Variants in ZBTB21 observed in about 807,000 individuals in gnomAD.
ZBTB21 encodes zinc finger and BTB domain containing 21.
ZBTB21 carries 10 observed loss-of-function variants against 39.8 expected under a neutral mutation model. The ratio of observed to expected loss-of-function variants is 0.25; its 90% CI spans 0.16 to 0.43. The LOEUF is 0.43. ZBTB21 is among the 20% of genes least tolerant of loss of function. The pLI is 1.00. For missense variants in ZBTB21, 1,221 were observed against 1,296.3 expected (o/e 0.94, Z 0.89); for synonymous variants, 551 against 498.8 (o/e 1.10, Z -1.40).
rs778144401 is a variant in ZBTB21, at chr21:41,993,579, T to C, written c.517A>G (p.Thr173Ala). 2 of 1,614,266 alleles carry C rather than the reference T, an allele frequency of 1.2e-6. No homozygotes were observed. The highest frequency in any genetic ancestry group is 3.3e-5 in the Admixed American group (2 of 60,028). ...VSQNQPDVSHTSRPSPSIAVK... is the reference protein window; with the variant it reads ...VSQNQPDVSHASRPSPSIAVK... ...GCAATGCTAGGAGAGGGCCGGGAAGTATGGCTTACATCGGGTTGATTTTGA... is the reference window on the plus strand; with the variant it reads ...GCAATGCTAGGAGAGGGCCGGGAAGCATGGCTTACATCGGGTTGATTTTGA... The change falls in exon 3 of 3, where the codon ACT becomes GCT. Residue 173 changes from threonine (T) to alanine (A), a missense_variant. Thr to Ala is a moderately conservative substitution (Grantham distance 58). Coordinates refer to ENST00000310826, the MANE Select transcript of ZBTB21 (RefSeq NM_001098402.2).
chr21:41,999,125 T>C (rs1242525233), intron 2 of ZBTB21, among the ~76,000 whole-genome samples: 1 of 152,206 alleles, frequency 6.6e-6, no homozygotes, highest in East Asian at 1.9e-4. Context: ...TTGACTCAGC[T>C]GGGTACTGAG....
chr21:42,006,831 A>G (rs1405547921), intron 1 of ZBTB21, among the ~76,000 whole-genome samples: 1 of 152,204 alleles, frequency 6.6e-6, no homozygotes, highest in African/African-American at 2.4e-5. Flanking sequence ...CTTACAGGAG[A>G]GGAAGATTAG....
chr21:42,003,487 G>A (rs575273247), intron 1 of ZBTB21, among the ~76,000 whole-genome samples: 14 of 152,222 alleles, frequency 9.2e-5, no homozygotes, highest in Admixed American at 2.6e-4. Context: ...TGAATAGTGG[G>A]AACTATTCAC....
At chr21:42,004,086 G>A (rs930402468) in intron 1 of ZBTB21, among the ~76,000 whole-genome samples, 6 of 149,542 alleles carry the variant, frequency 4.0e-5, no homozygotes, top group African/African-American at 9.9e-5. Flanking sequence ...TGCAACCTCC[G>A]CCTCCTGGGT....
At position 41,993,439 on chromosome 21, in the gene ZBTB21, A is replaced by C; in HGVS notation, c.657T>G (p.Ser219=). ...CATCCAAAGATCCAGAATGCTCAAG[A>C]GACTTTGCATATACCACAGAACTAT... The part of the protein sequence containing the change: ...PKDSSVVYAK[S]LEHSGSLDDP... The change falls in exon 3 of 3, where the codon TCT becomes TCG. Residue 219 remains serine, a synonymous_variant. Transcript: ENST00000310826. The C allele has an allele frequency of 6.2e-7, 1 of 1,614,216 alleles. No homozygotes were observed. Among genetic ancestry groups the C allele is most frequent in the East Asian group, 2.2e-5 (1 of 44,882 alleles).
intron 2 of ZBTB21, among the ~76,000 whole-genome samples, chr21:41,997,988 T>C (rs553691318): frequency 1.3e-4 from 20 of 152,070 alleles, no homozygotes; most frequent in Admixed American, 2.6e-4. Flanking sequence ...AAAGAGTTCA[T>C]CTAAAGAAAA....
intron 1 of ZBTB21, chr21:42,009,265 C>T (rs1363039268): frequency 1.3e-5 from 2 of 152,212 alleles, no homozygotes; most frequent in Admixed American, 1.3e-4. Context: ...AACCGCAGAG[C>T]CCTCGTGGCT....
rs1327434240 is a variant in ZBTB21 at position 41,987,611 on chromosome 21, C to T, written c.*3284G>A. 1 of 152,136 alleles carries T rather than the reference C, an allele frequency of 6.6e-6. No homozygotes were observed. The highest frequency in any genetic ancestry group is 1.5e-5 in the Non-Finnish European group (1 of 68,018). The allele number at this position is 152,136 out of a possible 1,614,324, so 9.4% of individuals were successfully genotyped here. A position where few individuals can be genotyped will look rare whatever the true frequency, so the allele number is the denominator to read the frequency against. On this transcript the variant is annotated 3_prime_UTR_variant, in exon 3 of 3. Transcript: ENST00000310826. ...AACTGACTTGTAATCCAGTTAGATACAATTTATACAGAAATCTATTTGGAA... is the reference window on the plus strand; with the variant it reads ...AACTGACTTGTAATCCAGTTAGATATAATTTATACAGAAATCTATTTGGAA...
In ZBTB21 at chr21:41,988,744, T is replaced by A. The variant is rs1056702399; in HGVS notation, c.*2151A>T. The A allele has an allele frequency of 9.2e-5, 14 of 151,568 alleles. No individual in the cohort carries two copies. Among genetic ancestry groups the A allele is most frequent in the African/African-American group, 2.7e-4 (11 of 41,364 alleles). The allele number at this position is 151,568 out of a possible 1,614,324, so 9.4% of individuals were successfully genotyped here. A position where few individuals can be genotyped will look rare whatever the true frequency, so the allele number is the denominator to read the frequency against. ...AAATCTAACAGATATGCAGAACCTA[T>A]GTTTAGATCAAAAATATTTTTTTTT... On this transcript the variant is annotated 3_prime_UTR_variant, in exon 3 of 3. Transcript: ENST00000310826.
Position 41,991,815 on chromosome 21 carries a change from C to T in ZBTB21, c.2281G>A (p.Glu761Lys), listed in dbSNP as rs757855811. 1.2e-5 allele frequency: 19 copies of T among 1,614,182 alleles called. 1 individual carries two copies. Among genetic ancestry groups the T allele is most frequent in the Admixed American group, 3.3e-5 (2 of 60,026 alleles). The change falls in exon 3 of 3, where the codon GAG (glutamate) becomes AAG (lysine). Residue 761 changes from glutamate (E) to lysine (K), a missense_variant. This residue lies in a region of ZBTB21 where 523 missense variants were observed against 542.5 expected (regional missense o/e 0.96). Coordinates refer to ENST00000310826, the MANE Select transcript of ZBTB21 (RefSeq NM_001098402.2). The surrounding 1 kb of genome is among the most constrained non-coding windows in gnomAD (Gnocchi z 4.9). The stretch of plus-strand genomic sequence containing the variant: ...TTGCTCTCGTGTTCTTGCTTCAGCT[C>T]GGGCGAGAAAAACCTGAGGCTGCAG... ...PYCSLRFFSPELKQEHESKCE... is the reference protein window; with the variant it reads ...PYCSLRFFSPKLKQEHESKCE...
At position 41,991,336 on chromosome 21, in the gene ZBTB21, C is replaced by A; in HGVS notation, c.2760G>T (p.Val920=). 1 of 1,607,220 alleles carries A rather than the reference C, an allele frequency of 6.2e-7. No individual in the cohort carries two copies. ...CCTGGTGACGCTCCAGCTGCTTATG[C>A]ACCGTGAACATCTTCCCACACTTCT... ...PCEKCGKMFT[V]HKQLERHQEL... is the part of the protein sequence containing the mutation. The change falls in exon 3 of 3, where the codon GTG becomes GTT. Residue 920 remains valine (V), a synonymous_variant. Coordinates refer to ENST00000310826, the MANE Select transcript of ZBTB21 (RefSeq NM_001098402.2). This position sits in a 1 kb window ranked among gnomAD's most constrained non-coding sequence, Gnocchi z 4.9.
rs546065372 is a variant in ZBTB21 at position 41,995,174 on chromosome 21, G to A, written c.-13-1066C>T. On this transcript the variant is annotated intron_variant, in intron 2 of 2. Transcript: ENST00000310826. ...AAAAGATACCCGAAAATGTGGAAGCGACTTTGGAACTGGGTAACAGGCAGA... is the reference window on the plus strand; with the variant it reads ...AAAAGATACCCGAAAATGTGGAAGCAACTTTGGAACTGGGTAACAGGCAGA... Among the ~76,000 whole-genome samples the A allele has an allele frequency of 1.1e-4, 17 of 152,330 alleles. No homozygotes were observed. The East Asian group carries it at 2.3e-3, about 21-fold the overall frequency.
chr21:42,007,295 G>A (rs2065889994), intron 1 of ZBTB21, among the ~76,000 whole-genome samples: 1 of 152,180 alleles, frequency 6.6e-6, no homozygotes, highest in African/African-American at 2.4e-5. Flanking sequence ...GCTGTTAGTT[G>A]TTTTGCTGAA....
At chr21:42,007,547 T>G (rs2065894243) in intron 1 of ZBTB21, among the ~76,000 whole-genome samples, 1 of 152,194 alleles carries the variant, frequency 6.6e-6, no homozygotes, top group South Asian at 2.1e-4. Context: ...AAGATCCAGT[T>G]GAAATGTCAC....
intron 1 of ZBTB21, among the ~76,000 whole-genome samples, chr21:42,008,778 T>C (rs2065916492): frequency 6.6e-6 from 1 of 152,126 alleles, no homozygotes; most frequent in Non-Finnish European, 1.5e-5. Context: ...AATAAAGTGT[T>C]AAAAAGGAAA....
At position 41,988,521 on chromosome 21, in the gene ZBTB21, A is replaced by G. The variant is rs999690293; in HGVS notation, c.*2374T>C. ...TCATTATTTTACTTCTTAACATTTA[A>G]AATAGTTACATGAGTGGAAGCATAT... On this transcript the variant is annotated 3_prime_UTR_variant, in exon 3 of 3. Coordinates refer to ENST00000310826, the MANE Select transcript of ZBTB21 (RefSeq NM_001098402.2). The G allele has an allele frequency of 1.3e-5, 2 of 152,118 alleles. No individual in the cohort carries two copies. The highest frequency in any genetic ancestry group is 2.9e-5 in the Non-Finnish European group (2 of 67,980). 9.4% of individuals were successfully genotyped at this position (152,118 alleles called of 1,614,324 possible). A position where few individuals can be genotyped will look rare whatever the true frequency, so the allele number is the denominator to read the frequency against.
Position 41,993,686 on chromosome 21 carries a change from AC to A in ZBTB21, c.409del (p.Val137Ter). On this transcript the variant is annotated frameshift_variant, in exon 3 of 3. Coordinates refer to ENST00000310826, the MANE Select transcript of ZBTB21 (RefSeq NM_001098402.2). LOFTEE classifies it low-confidence loss of function (END_TRUNC). ...TTGAGAACTGTTTTCATCATCTTCT[AC>A]AAACACTTTTTTTCTATTAGGACAC... is the stretch of plus-strand genomic sequence containing the variant. Reference protein sequence around the residue: ...PTCPNRKKVFVEDDENSSQKR... With the variant: ...PTCPNRKKVFXEDDENSSQKR... The A allele has an allele frequency of 6.2e-7, 1 of 1,614,144 alleles. No individual in the cohort carries two copies. The highest frequency in any genetic ancestry group is 1.6e-4 in the Middle Eastern group (1 of 6,062).
chr21:42,007,202 C>T (rs951145901), intron 1 of ZBTB21, among the ~76,000 whole-genome samples: 5 of 152,222 alleles, frequency 3.3e-5, no homozygotes, highest in Admixed American at 6.5e-5. Flanking sequence ...ATTATCAATG[C>T]TCAACATGTT....
chr21:42,008,840 CTTTTT>C (rs1555912705), intron 1 of ZBTB21, among the ~76,000 whole-genome samples: 1 of 152,126 alleles, frequency 6.6e-6, no homozygotes. Context: ...TTTTGACTTT[CTTTTT>C]AACATCAATA....
Sources: allele counts gnomAD v4.1 joint callset (sites outside exome capture counted in the v4.1 genomes callset), GRCh38; gene constraint gnomAD v4.1.1; regional missense constraint gnomAD v4.1.1; non-coding constraint Gnocchi (gnomAD v3.1); transcripts MANE v1.5; gene names NCBI Gene and HGNC (gene_info 2026-07-23, HGNC 2026-07-21).